The following MMS19 variants were observed in gnomAD, a reference collection of about 807,000 sequenced individuals.
The protein encoded by MMS19 is MMS19 cytosolic iron-sulfur assembly component.
MMS19 carries 77 observed loss-of-function variants against 129.8 expected under a neutral mutation model. The observed-to-expected ratio is 0.59, with a 90% CI of 0.49 to 0.72. MMS19 has a LOEUF of 0.72. Among genes scored for constraint, MMS19 ranks in the 30% least tolerant of loss-of-function variants. MMS19 has a pLI of 0.00. For synonymous variants in MMS19, 491 were observed against 502.8 expected (o/e 0.98, Z 0.31); for missense variants, 1,168 against 1,266.3 (o/e 0.92, Z 1.18).
chr10:97,463,188 CAG>C (rs1282440791), intron 19 of MMS19, among the ~76,000 whole-genome samples: 1 of 124,762 alleles, frequency 8.0e-6, no homozygotes, highest in Non-Finnish European at 1.6e-5. Flanking sequence ...TTTTTTGAGA[CAG>C]GAACAGGATC....
In MMS19 at chr10:97,477,849, C is replaced by A; in HGVS notation, c.423+6G>T. ...GGAGAATACCAACATGACTGTTATCCCTCACCTGTACATGCACTTCCTGGA... is the reference window on the plus strand; with the variant it reads ...GGAGAATACCAACATGACTGTTATCACTCACCTGTACATGCACTTCCTGGA... On this transcript the variant is annotated splice_donor_region_variant and intron_variant, in intron 5 of 30. Transcript: ENST00000438925. 1 of 1,596,570 alleles carries A rather than the reference C, an allele frequency of 6.3e-7. No individual in the cohort carries two copies.
At position 97,468,993 on chromosome 10, in the gene MMS19, C is replaced by G; in HGVS notation, c.1036G>C (p.Asp346His). ...VLRADAEDLL[D>H]SFLSNILQDC... ...TGTAGAATGTTGCTAAGGAAGGAGT[C>G]AAGGAGGTCCTCAGCATCAGCCCTC... The change falls in exon 12 of 31, where the codon GAC (aspartate) becomes CAC (histidine). Residue 346 changes from aspartate to histidine, a missense_variant. Asp to His is a moderately conservative substitution (Grantham distance 81). Coordinates refer to ENST00000438925, the MANE Select transcript of MMS19 (RefSeq NM_022362.5). 6.3e-7 allele frequency: 1 copy of G among 1,588,800 alleles called. No individual in the cohort carries two copies. The highest frequency in any genetic ancestry group is 1.1e-5 in the South Asian group (1 of 87,422).
intron 12 of MMS19, 72 bp from the exon 13 acceptor site, chr10:97,468,478 G>T: frequency 7.1e-7 from 1 of 1,414,364 alleles, no homozygotes; most frequent in Non-Finnish European, 9.4e-7. Flanking sequence ...GTCCACAGAG[G>T]TTGGAGACTG....
intron 8 of MMS19, among the ~76,000 whole-genome samples, chr10:97,474,340 C>T (rs367948112): frequency 1.1e-4 from 16 of 151,644 alleles, no homozygotes; most frequent in East Asian, 5.8e-4. Context: ...GTGAGGAGTT[C>T]GAGACCAACC....
chr10:97,475,165 A>T (rs1041537040), intron 8 of MMS19, among the ~76,000 whole-genome samples: 2 of 152,134 alleles, frequency 1.3e-5, no homozygotes, highest in South Asian at 2.1e-4. Flanking sequence ...GACGTGGAAC[A>T]CTCTCCAAGA....
chr10:97,460,629 G>A, intron 25 of MMS19, 66 bp downstream of exon 25: 1 of 1,323,782 alleles, frequency 7.6e-7, no homozygotes, highest in South Asian at 1.3e-5. Flanking sequence ...AAGTCCTTGG[G>A]AGGAATAGGA....
At position 97,466,990 on chromosome 10, in the gene MMS19, A is replaced by AT. The variant is rs201602289; in HGVS notation, c.1298-90dup. 1.9e-3 allele frequency: 2,691 copies of AT among 1,382,906 alleles called. 2 individuals are homozygous for AT. Among genetic ancestry groups the AT allele is most frequent in the Non-Finnish European group, 2.1e-3 (2,191 of 1,021,894 alleles). The allele number at this position is 1,382,906 out of a possible 1,614,324, so 85.7% of individuals were successfully genotyped here. A position where few individuals can be genotyped will look rare whatever the true frequency, so the allele number is the denominator to read the frequency against. On this transcript the variant is annotated intron_variant, in intron 14 of 30. Coordinates refer to ENST00000438925, the MANE Select transcript of MMS19 (RefSeq NM_022362.5). The stretch of plus-strand genomic sequence containing the variant: ...GTGATACACAGCCAACCTGGGGTAG[A>AT]TTTTTTTTTTGAGACAAGGCCTCTG...
At chr10:97,465,044 T>C (rs2033126522) in intron 18 of MMS19, among the ~76,000 whole-genome samples, 1 of 151,550 alleles carries the variant, frequency 6.6e-6, no homozygotes, top group South Asian at 2.1e-4. Flanking sequence ...AGTTTCACCC[T>C]GTTTGCCCAG....
rs1179754319 is a variant in MMS19, at chr10:97,469,736, C to G, written c.847-13G>C. The G allele has an allele frequency of 6.2e-7, 1 of 1,612,418 alleles. No homozygotes were observed. The highest frequency in any genetic ancestry group is 8.5e-7 in the Non-Finnish European group (1 of 1,178,820). ...CACAGCAAGCATTCTGCCAAGGAAA[C>G]CGCTGCTATCAGTTATGTACACACT... On this transcript the variant is annotated splice_polypyrimidine_tract_variant and intron_variant, in intron 10 of 30. Coordinates refer to ENST00000438925, the MANE Select transcript of MMS19 (RefSeq NM_022362.5).
In MMS19 at chr10:97,478,292, A is replaced by C; in HGVS notation, c.348+12T>G. On this transcript the variant is annotated intron_variant, in intron 4 of 30. Transcript: ENST00000438925. Reference sequence around the variant, plus strand: ...TGAACAAAGTTATGTAATGAAATGAAGGAAAACTCACAAGTGCCTTCAAAC... The same window carrying C: ...TGAACAAAGTTATGTAATGAAATGACGGAAAACTCACAAGTGCCTTCAAAC... 1 of 1,581,886 alleles carries C rather than the reference A, an allele frequency of 6.3e-7. No homozygotes were observed. Among genetic ancestry groups the C allele is most frequent in the Non-Finnish European group, 8.6e-7 (1 of 1,162,752 alleles).
chr10:97,468,799 A>C (rs971713560), intron 12 of MMS19, among the ~76,000 whole-genome samples, 167 bp downstream of exon 12: 1 of 151,996 alleles, frequency 6.6e-6, no homozygotes, highest in Admixed American at 6.6e-5. Flanking sequence ...AGTAGAGACG[A>C]GGTTTCACCA....
Position 97,466,578 on chromosome 10 carries a change from TAGG to T in MMS19, c.1428_1430del (p.Leu477del). On this transcript the variant is annotated inframe_deletion, in exon 16 of 31. Coordinates refer to ENST00000438925, the MANE Select transcript of MMS19 (RefSeq NM_022362.5). ...CTGCCAGCTCCAAGTCCTCATAAGA[TAGG>T]AGATCTGTAGTTAGAAGGGAACATG... The T allele has an allele frequency of 6.2e-7, 1 of 1,613,126 alleles. No individual in the cohort carries two copies. The highest frequency in any genetic ancestry group is 8.5e-7 in the Non-Finnish European group (1 of 1,179,084).
chr10:97,460,569 C>T (rs537290793), intron 25 of MMS19, 126 bp downstream of exon 25: 2 of 850,084 alleles, frequency 2.4e-6, no homozygotes, highest in Admixed American at 2.2e-5. Context: ...AAGACCCTGT[C>T]TCCAAAAAGA....
chr10:97,465,598 C>G (rs2033286334), intron 18 of MMS19, among the ~76,000 whole-genome samples: 1 of 152,282 alleles, frequency 6.6e-6, no homozygotes, highest in Non-Finnish European at 1.5e-5. Flanking sequence ...AGCAGCGGCC[C>G]TGGCCGGGTA....
At chr10:97,469,178 T>G in intron 11 of MMS19, 74 bp from the exon 12 acceptor site, 1 of 1,499,172 alleles carries the variant, frequency 6.7e-7, no homozygotes, top group South Asian at 1.3e-5. Context: ...ACTGCCTATT[T>G]CCTTGTTGGA....
intron 18 of MMS19, 30 bp from the exon 19 acceptor site, chr10:97,464,043 T>G (rs771990475): frequency 2.9e-5 from 46 of 1,597,836 alleles, no homozygotes; most frequent in Non-Finnish European, 3.3e-5. Context: ...CTCTGTAAGG[T>G]TTGCTTAAAA....
upstream of MMS19, chr10:97,498,469 G>C (rs986007761): frequency 2.0e-6 from 3 of 1,521,972 alleles, no homozygotes; most frequent in African/African-American, 1.4e-5. Context: ...GCCAATCTCC[G>C]GGGAAGCGCA....
At chr10:97,488,254 A>G in intron 1 of MMS19, among the ~76,000 whole-genome samples, 1 of 152,236 alleles carries the variant, frequency 6.6e-6, no homozygotes, top group Non-Finnish European at 1.5e-5. Flanking sequence ...AGAAAATCTA[A>G]CAGACTGGCA....
At chr10:97,494,412 G>T (rs537538000) in intron 1 of MMS19, among the ~76,000 whole-genome samples, 2 of 152,310 alleles carry the variant, frequency 1.3e-5, no homozygotes, top group South Asian at 4.1e-4. Context: ...GGAAGTGAGG[G>T]GAAGCGGGTA....
Sources: gnomAD v4.1 joint callset for allele counts (sites outside exome capture counted in the v4.1 genomes callset) on GRCh38, gnomAD v4.1.1 for gene constraint, MANE v1.5 for transcripts, NCBI Gene and HGNC (gene_info 2026-07-23, HGNC 2026-07-21) for gene names.